The following TRIM49 variants were observed in gnomAD, a reference collection of about 807,000 sequenced individuals.
TRIM49 encodes the protein tripartite motif-containing protein 49.
TRIM49 carries 5 observed loss-of-function variants against 27.4 expected under a neutral mutation model. The observed-to-expected ratio is 0.18, with a 90% CI of 0.10 to 0.38. The LOEUF (loss-of-function observed/expected upper bound fraction) is 0.38, where lower values mean the gene tolerates loss of function less well. Ranked by LOEUF, TRIM49 falls within the 10% of genes least tolerant of loss-of-function variation. The pLI, the probability that TRIM49 is intolerant of heterozygous loss-of-function variation, is 1.00. For missense variants in TRIM49, 188 were observed against 487.5 expected, an observed-to-expected ratio of 0.39 and a Z score of 5.79; for synonymous variants, 69 against 166.0, an observed-to-expected ratio of 0.42 and a Z score of 4.49.
the TRIM49 span, chr11:89,768,279 A>G: frequency 7.3e-6 from 11 of 1,500,874 alleles, 1 homozygote; most frequent in African/African-American, 3.7e-5. Flanking sequence ...AGCAGCACGG[A>G]CTCACTCCTG....
the TRIM49 span, among the ~76,000 whole-genome samples, chr11:89,792,499 G>A: frequency 6.6e-6 from 1 of 151,796 alleles, no homozygotes. Context: ...TGGAAGTAAA[G>A]CACTCCTCAG....
At chr11:89,800,107 A>T (rs1949722952) in intron 6 of TRIM49, among the ~76,000 whole-genome samples, 1 of 149,632 alleles carries the variant, frequency 6.7e-6, no homozygotes, top group Admixed American at 6.6e-5. Flanking sequence ...TCTGAGTTCC[A>T]CTTCTTGGCA....
At chr11:89,800,653 G>T (rs983607233) in intron 6 of TRIM49, among the ~76,000 whole-genome samples, 5 of 150,272 alleles carry the variant, frequency 3.3e-5, no homozygotes, top group Non-Finnish European at 7.4e-5. Flanking sequence ...TGAGGCAGGG[G>T]AATGGTGTGA....
At chr11:89,807,814 G>A (rs1294806618) in intron 1 of TRIM49, among the ~76,000 whole-genome samples, 4 of 149,610 alleles carry the variant, frequency 2.7e-5, no homozygotes, top group Non-Finnish European at 4.4e-5. Context: ...AAGAGTACAG[G>A]TATAAACCAC....
chr11:89,768,549 A>C, the TRIM49 span, among the ~76,000 whole-genome samples: 25 of 135,588 alleles, frequency 1.8e-4, 5 homozygotes, highest in Non-Finnish European at 3.2e-4. Context: ...AAAAGAGGCA[A>C]TTGTATTCTA....
In TRIM49 at chr11:89,808,541, G is replaced by T. The variant is rs1463175980; in HGVS notation, c.-295C>A. 6.6e-6 allele frequency: 1 copy of T among 151,422 alleles called. No homozygotes were observed. The highest frequency in any genetic ancestry group is 6.5e-5 in the Admixed American group (1 of 15,278). 9.4% of individuals were successfully genotyped at this position (151,422 alleles called of 1,614,324 possible). On this transcript the variant is annotated 5_prime_UTR_variant, in exon 1 of 8. Transcript: ENST00000329758. ...CCCAGTGGTCATGAATCAAAGCTTT[G>T]GTTTAAAGTCAATAGGGGGCAACTG...
At chr11:89,782,817 G>GT in the TRIM49 span, among the ~76,000 whole-genome samples, 1 of 122,966 alleles carries the variant, frequency 8.1e-6, no homozygotes, top group Non-Finnish European at 1.8e-5. Context: ...TACTTTTTAT[G>GT]TTTTTGCATT....
At chr11:89,792,939 G>C (rs1237234949), downstream of TRIM49, among the ~76,000 whole-genome samples, 2 of 152,268 alleles carry the variant, frequency 1.3e-5, no homozygotes, top group South Asian at 2.1e-4. Flanking sequence ...ACCTTCAAAA[G>C]ATCAGTGAAT....
downstream of TRIM49, chr11:89,797,556 A>T (rs1488307370): frequency 6.6e-6 from 1 of 152,170 alleles, no homozygotes; most frequent in African/African-American, 2.5e-5. Flanking sequence ...GTCTGATCAC[A>T]TTGTGTATTT....
At chr11:89,785,940 T>G in the TRIM49 span, 1 of 141,136 alleles carries the variant, frequency 7.1e-6, no homozygotes, top group Non-Finnish European at 1.5e-5. Context: ...CGCCCACGCC[T>G]CCGGCATGGT....
At chr11:89,806,307 G>A (rs1185625860) in intron 2 of TRIM49, among the ~76,000 whole-genome samples, 1 of 150,710 alleles carries the variant, frequency 6.6e-6, no homozygotes, top group East Asian at 1.9e-4. Flanking sequence ...GAATGTATCT[G>A]CACACATATA....
rs746569680 is a variant in TRIM49, at chr11:89,798,393, T to C, written c.1096A>G (p.Asn366Asp). 12 of 1,602,850 alleles carry C rather than the reference T, an allele frequency of 7.5e-6. 1 individual carries two copies. The highest frequency in any genetic ancestry group is 9.3e-6 in the Non-Finnish European group (11 of 1,177,690). ...GVCNMYRKEK[N>D]QNEKIDGKAG... The stretch of plus-strand genomic sequence containing the variant: ...TTTCCATCTATCTTCTCATTCTGAT[T>C]CTTCTCTTTCCGATACATATTACAG... The change falls in exon 8 of 8, where the codon AAT (asparagine) becomes GAT (aspartate). Residue 366 changes from asparagine (N) to aspartate (D), a missense_variant. Coordinates refer to ENST00000329758, the MANE Select transcript of TRIM49 (RefSeq NM_020358.2).
the TRIM49 span, chr11:89,777,469 G>C: frequency 6.6e-7 from 1 of 1,507,852 alleles, no homozygotes; most frequent in Non-Finnish European, 8.8e-7. Flanking sequence ...ATGGTGATGA[G>C]AATGCAGATG....
chr11:89,805,558 T>C (rs1949782649), intron 2 of TRIM49, among the ~76,000 whole-genome samples: 1 of 151,822 alleles, frequency 6.6e-6, no homozygotes, highest in South Asian at 2.1e-4. Context: ...AGGATACCGG[T>C]ATTCTCAGGA....
rs773461659 is a variant in TRIM49, at chr11:89,798,590, A to G, written c.899T>C (p.Ile300Thr). Residue 300 changes from isoleucine (I) to threonine (T), a missense_variant, in exon 8 of 8, where the codon ATC (isoleucine) becomes ACC (threonine). Transcript: ENST00000329758. ...TLHHEEANNDIFLYEILRSMC... is the reference protein window; with the variant it reads ...TLHHEEANNDTFLYEILRSMC... ...GCTTCTCAAAATTTCATACAGAAAG[A>G]TATCATTGTTGGCTTCTTCATGATG... 7.8e-6 allele frequency: 12 copies of G among 1,547,366 alleles called. 1 individual carries two copies. In the South Asian group the frequency reaches 8.0e-5, roughly 10 times the overall value.
the TRIM49 span, among the ~76,000 whole-genome samples, chr11:89,780,145 C>T: frequency 6.5e-5 from 7 of 107,976 alleles, 1 homozygote; most frequent in African/African-American, 9.7e-5. Flanking sequence ...ATCAATGACC[C>T]GGGCCTCCTC....
chr11:89,785,310 G>T, the TRIM49 span, among the ~76,000 whole-genome samples: 3 of 144,384 alleles, frequency 2.1e-5, no homozygotes, highest in East Asian at 6.1e-4. Context: ...TATAACACCA[G>T]GACTTGGGGG....
downstream of TRIM49, among the ~76,000 whole-genome samples, chr11:89,796,591 A>G (rs965196018): frequency 6.8e-5 from 10 of 147,708 alleles, no homozygotes; most frequent in African/African-American, 2.6e-4. Context: ...CTTAAAAGTT[A>G]TAATTCCACA....
At chr11:89,790,277 GC>G in the TRIM49 span, among the ~76,000 whole-genome samples, 2 of 139,790 alleles carry the variant, frequency 1.4e-5, no homozygotes, top group African/African-American at 5.5e-5. Context: ...ACTGGGTGGA[GC>G]CCACTGCAGC....
Sources: gnomAD v4.1 joint callset for allele counts (sites outside exome capture counted in the v4.1 genomes callset) on GRCh38, gnomAD v4.1.1 for gene constraint, MANE v1.5 for transcripts, NCBI Gene and HGNC (gene_info 2026-07-23, HGNC 2026-07-21) for gene names.